The following NEB variants were observed in gnomAD, a reference collection of about 807,000 sequenced individuals.
NEB encodes nemaline myopathy type 2.
In NEB, 512 loss-of-function variants were observed where a neutral mutation model predicts 952.2. The observed-to-expected ratio is 0.54, with a 90% CI of 0.50 to 0.58. The LOEUF is 0.58. Among genes scored for constraint, NEB ranks in the 20% least tolerant of loss-of-function variants. The pLI, the probability that NEB is intolerant of heterozygous loss-of-function variation, is 0.00. For missense variants in NEB, 8,428 were observed against 9,231.1 expected (o/e 0.91, Z 3.56); for synonymous variants, 2,900 against 3,149.8 (o/e 0.92, Z 2.66).
At chr2:151,577,290 GTA>G (rs2096906134) in intron 105 of NEB, among the ~76,000 whole-genome samples, 3 of 152,112 alleles carry the variant, frequency 2.0e-5, no homozygotes, top group African/African-American at 7.2e-5. Context: ...CGTGTCATCT[GTA>G]CTTCCATTGG....
chr2:151,627,301 T>C, intron 69 of NEB, 96 bp from the exon 70 acceptor site: 2 of 1,445,666 alleles, frequency 1.4e-6, no homozygotes, highest in South Asian at 2.8e-5. Context: ...GATAGTCAAA[T>C]TTCATGTATA....
At chr2:151,554,303 G>A (rs954646284) in intron 125 of NEB, among the ~76,000 whole-genome samples, 6 of 152,128 alleles carry the variant, frequency 3.9e-5, no homozygotes, top group Admixed American at 1.3e-4. Flanking sequence ...ACTCACACCT[G>A]TAATCCCAGC....
rs1232660353 is a variant in NEB, at chr2:151,525,241, T to C, written c.22194A>G (p.Lys7398=). ...GCATGATGGAGTAGTTGGATTTTCC[T>C]TTCTCCTTGACAAACTTCTTTTTGT... ...TNYKKKFVKE[K]GKSNYSIMLE... The change falls in exon 151 of 182, where the codon AAA becomes AAG. Residue 7398 remains lysine, a synonymous_variant. Coordinates refer to ENST00000397345, the MANE Select transcript of NEB (RefSeq NM_001164508.2). 3.7e-6 allele frequency: 6 copies of C among 1,613,874 alleles called. No homozygotes were observed. In the South Asian group the frequency reaches 6.6e-5, roughly 18 times the overall value.
At chr2:151,494,519 T>G (rs565431433) in intron 173 of NEB, among the ~76,000 whole-genome samples, 1 of 152,174 alleles carries the variant, frequency 6.6e-6, no homozygotes, top group South Asian at 2.1e-4. Flanking sequence ...CACCATCATT[T>G]TACCGCTAGT....
At chr2:151,670,999 T>A in intron 38 of NEB, 24 bp downstream of exon 38, 1 of 1,601,656 alleles carries the variant, frequency 6.2e-7, no homozygotes, top group Non-Finnish European at 8.6e-7. Context: ...TACGGGCAAA[T>A]CATTTTGAAA....
rs1306028637 is a variant in NEB, at chr2:151,503,227, TACAC to T, written c.23835+118_23835+121del. 8.1e-6 allele frequency: 6 copies of T among 737,888 alleles called. No homozygotes were observed. In the East Asian group the frequency reaches 1.1e-4, roughly 13 times the overall value. The allele number at this position is 737,888 out of a possible 1,614,324, so 45.7% of individuals were successfully genotyped here. A position where few individuals can be genotyped will look rare whatever the true frequency, so the allele number is the denominator to read the frequency against. ...TAACATAATTTTGGTCAGGTAATAA[TACAC>T]AACACACACAGACACACACAGAATT... is the stretch of plus-strand genomic sequence containing the variant. On this transcript the variant is annotated intron_variant, in intron 166 of 181. Transcript: ENST00000397345.
At position 151,485,775 on chromosome 2, in the gene NEB, G is replaced by T; in HGVS notation, c.25563C>A (p.Tyr8521Ter). ...TTTGAAATGCCTAAATAGCTTCAAC[G>T]TAGTTGGCTGGGAGCATTCCGGTCC... ...TGRTGMLPANYVEAI is the reference protein window; with the variant it reads ...TGRTGMLPAN The change falls in exon 182 of 182, where the codon TAC becomes TAA. Residue 8521 changes from tyrosine to a stop codon, truncating the protein, a stop_gained. Transcript: ENST00000397345. LOFTEE classifies it high-confidence loss of function. 1.2e-6 allele frequency: 2 copies of T among 1,610,986 alleles called. No homozygotes were observed. The highest frequency in any genetic ancestry group is 1.7e-6 in the Non-Finnish European group (2 of 1,177,608).
intron 135 of NEB, among the ~76,000 whole-genome samples, chr2:151,541,846 C>T (rs1023164608): frequency 4.6e-5 from 7 of 152,196 alleles, no homozygotes; most frequent in African/African-American, 1.4e-4. Flanking sequence ...CTGTCTCCAT[C>T]TCCTCTGTAT....
chr2:151,537,177 G>A lies in NEB; in HGVS notation c.21162C>T (p.Thr7054=), dbSNP rs766718173. ...LKGIGCYAYD[T]PDFTLAEKNK... ...TCTTTTCAGCCAGAGTGAAATCAGG[G>A]GTATCATAGGCATAGCAACCAATGC... The change falls in exon 141 of 182, where the codon ACC becomes ACT. Residue 7054 remains threonine (T), a synonymous_variant. Transcript: ENST00000397345. 6.2e-6 allele frequency: 10 copies of A among 1,612,926 alleles called. No homozygotes were observed. Among genetic ancestry groups the A allele is most frequent in the Non-Finnish European group, 8.5e-6 (10 of 1,179,400 alleles).
rs4664496 is a variant in NEB, at chr2:151,666,042, T to C, written c.5031+48A>G. On this transcript the variant is annotated intron_variant, in intron 41 of 181. Transcript: ENST00000397345. ...GATGGAGTAAGTGGCTCCTGTTTTT[T>C]CCTCCCACCCATTAGAAATGGATAA... 0.14 allele frequency: 218,022 copies of C among 1,544,304 alleles called. 22,433 individuals carry two copies. Among genetic ancestry groups the C allele is most frequent in the East Asian group, 0.51 (22,630 of 44,228 alleles).
chr2:151,713,726 C>T (rs906191365), intron 10 of NEB, among the ~76,000 whole-genome samples: 3 of 152,148 alleles, frequency 2.0e-5, no homozygotes, highest in African/African-American at 7.2e-5. Context: ...ACCTGGAAGG[C>T]CTGTTTCTAT....
intron 143 of NEB, 104 bp downstream of exon 143, chr2:151,533,338 G>T: frequency 1.3e-6 from 1 of 743,682 alleles, no homozygotes. Flanking sequence ...ACCATATGAA[G>T]CCAGCATGGG....
chr2:151,695,008 T>C (rs2099585988), intron 18 of NEB, among the ~76,000 whole-genome samples: 1 of 152,230 alleles, frequency 6.6e-6, no homozygotes, highest in Admixed American at 6.5e-5. Flanking sequence ...CATAAATCAT[T>C]ACAATACTCA....
At chr2:151,684,641 A>G in intron 28 of NEB, 137 bp downstream of exon 28, 2 of 741,080 alleles carry the variant, frequency 2.7e-6, no homozygotes, top group East Asian at 5.7e-5. Flanking sequence ...GCTCTTATAG[A>G]ACCACAAGGG....
intron 164 of NEB, 77 bp downstream of exon 164, chr2:151,506,089 T>C (rs1287105367): frequency 2.5e-5 from 31 of 1,251,498 alleles, no homozygotes; most frequent in Non-Finnish European, 3.4e-5. Flanking sequence ...ACAGAGGCTT[T>C]GAGTGCAACT....
intron 13 of NEB, 45 bp from the exon 14 acceptor site, chr2:151,697,693 C>G (rs748838869): frequency 1.6e-6 from 2 of 1,219,020 alleles, no homozygotes; most frequent in East Asian, 4.6e-5. Context: ...CCTGTCACTC[C>G]CACGCTGATT....
At chr2:151,636,410 A>AG (rs2154091190) in intron 63 of NEB, 76 bp from the exon 64 acceptor site, 1 of 1,115,478 alleles carries the variant, frequency 9.0e-7, no homozygotes, top group East Asian at 2.6e-5. Flanking sequence ...CAATTCACTA[A>AG]GTTCTCCACA....
Position 151,529,233 on chromosome 2 carries a change from C to A in NEB, c.21712G>T (p.Asp7238Tyr), listed in dbSNP as rs1454335557. 1 of 1,612,846 alleles carries A rather than the reference C, an allele frequency of 6.2e-7. No individual in the cohort carries two copies. Among genetic ancestry groups the A allele is most frequent in the Non-Finnish European group, 8.5e-7 (1 of 1,178,926 alleles). The change falls in exon 146 of 182, where the codon GAC (aspartate) becomes TAC (tyrosine). Residue 7238 changes from aspartate (D) to tyrosine (Y), a missense_variant. Asp to Tyr is a radical substitution (Grantham distance 160). This residue lies in a region of NEB where 3,374 missense variants were observed against 3,651.5 expected (regional missense o/e 0.92). Coordinates refer to ENST00000397345, the MANE Select transcript of NEB (RefSeq NM_001164508.2). The stretch of plus-strand genomic sequence containing the variant: ...ACATTGGTGTTGACTTTGTAGGCGT[C>A]CTTGGCTGCTTTGATATGAACAGCA... ...PDAVHIKAAK[D>Y]AYKVNTNLDY... is the part of the protein sequence containing the mutation.
chr2:151,634,078 T>A, intron 64 of NEB, 113 bp from the exon 65 acceptor site: 2 of 1,214,402 alleles, frequency 1.6e-6, no homozygotes, highest in Non-Finnish European at 2.3e-6. Context: ...TAACAAGTAC[T>A]AACTCAAGCC....
Sources: allele counts gnomAD v4.1 joint callset (sites outside exome capture counted in the v4.1 genomes callset), GRCh38; gene constraint gnomAD v4.1.1; regional missense constraint gnomAD v4.1.1; transcripts MANE v1.5; gene names NCBI Gene and HGNC (gene_info 2026-07-23, HGNC 2026-07-21).